Variants in FRMD4A observed in about 807,000 individuals in gnomAD.
The protein encoded by FRMD4A is FERM domain-containing protein 4A.
A neutral mutation model predicts 129.1 loss-of-function variants in FRMD4A; 29 were observed. The ratio of observed to expected loss-of-function variants is 0.22; its 90% CI spans 0.17 to 0.31. The LOEUF is 0.31. Among genes scored for constraint, FRMD4A ranks in the 10% least tolerant of loss-of-function variants. The pLI, the probability that FRMD4A is intolerant of heterozygous loss-of-function variation, is 1.00. For synonymous variants in FRMD4A, 634 were observed against 571.6 expected, an observed-to-expected ratio of 1.11 and a Z score of -1.56; for missense variants, 1,272 against 1,375.8, an observed-to-expected ratio of 0.92 and a Z score of 1.19.
chr10:14,244,491 G>A (rs762824321), intron 2 of FRMD4A, among the ~76,000 whole-genome samples: 1 of 152,160 alleles, frequency 6.6e-6, no homozygotes, highest in Non-Finnish European at 1.5e-5. Flanking sequence ...GAGGAGTCAT[G>A]GTAGGCATTT....
chr10:13,807,958 C>T (rs1402613205), intron 4 of FRMD4A, among the ~76,000 whole-genome samples: 3 of 152,110 alleles, frequency 2.0e-5, no homozygotes, highest in African/African-American at 2.4e-5. Context: ...GCCACCATGC[C>T]TGACTGATTT....
At chr10:14,289,942 G>GT (rs980246371) in intron 2 of FRMD4A, among the ~76,000 whole-genome samples, 6 of 151,694 alleles carry the variant, frequency 4.0e-5, no homozygotes, top group Non-Finnish European at 7.4e-5. Context: ...ATAAAAATCA[G>GT]TTTTTTCTAT....
At chr10:13,801,873 G>A (rs1017867499) in intron 4 of FRMD4A, among the ~76,000 whole-genome samples, 2 of 152,130 alleles carry the variant, frequency 1.3e-5, no homozygotes, top group Admixed American at 6.6e-5. Context: ...AGGATGGAAT[G>A]GGACGAAAAG....
At chr10:13,830,720 G>A (rs531700926) in intron 3 of FRMD4A, among the ~76,000 whole-genome samples, 1 of 152,274 alleles carries the variant, frequency 6.6e-6, no homozygotes, top group Admixed American at 6.5e-5. Flanking sequence ...GACCATGTAT[G>A]TTCATGTTCC....
At position 14,330,802 on chromosome 10, in the gene FRMD4A, A is replaced by C. The variant is rs1375193743; in HGVS notation, c.-287T>G. 4 of 398,706 alleles carry C rather than the reference A, an allele frequency of 1.0e-5. No homozygotes were observed. Among genetic ancestry groups the C allele is most frequent in the Non-Finnish European group, 1.3e-5 (3 of 226,280 alleles). 24.7% of individuals were successfully genotyped at this position (398,706 alleles called of 1,614,324 possible). A position where few individuals can be genotyped will look rare whatever the true frequency, so the allele number is the denominator to read the frequency against. ...TCCCCAGATCTACTTTTCCTCTCCA[A>C]GTAGACTGGCCAGCTCAGCTCCCGG... On this transcript the variant is annotated 5_prime_UTR_variant, in exon 1 of 25. Coordinates refer to ENST00000357447, the MANE Select transcript of FRMD4A (RefSeq NM_018027.5).
intron 8 of FRMD4A, among the ~76,000 whole-genome samples, chr10:13,758,955 T>C (rs987780479): frequency 6.6e-6 from 1 of 152,186 alleles, no homozygotes; most frequent in Non-Finnish European, 1.5e-5. Flanking sequence ...GTGTTGGGTA[T>C]CTTCCCAGAA....
intron 2 of FRMD4A, among the ~76,000 whole-genome samples, chr10:13,974,337 C>T (rs960597698): frequency 5.9e-5 from 9 of 152,162 alleles, no homozygotes; most frequent in South Asian, 2.1e-4. Flanking sequence ...TTACCATTTG[C>T]GGGGATGAGT....
At chr10:14,188,620 T>C (rs1842221672) in intron 2 of FRMD4A, among the ~76,000 whole-genome samples, 1 of 152,212 alleles carries the variant, frequency 6.6e-6, no homozygotes, top group Non-Finnish European at 1.5e-5. Flanking sequence ...TTCAAAGTCC[T>C]CATCAACTCC....
intron 2 of FRMD4A, among the ~76,000 whole-genome samples, chr10:13,929,773 T>A (rs2131281357): frequency 6.6e-6 from 1 of 152,140 alleles, no homozygotes; most frequent in South Asian, 2.1e-4. Context: ...AGAGATGGGA[T>A]CTGCGGTCAG....
chr10:13,839,753 C>T (rs1285384322), intron 3 of FRMD4A, among the ~76,000 whole-genome samples: 2 of 152,194 alleles, frequency 1.3e-5, no homozygotes, highest in Admixed American at 1.3e-4. Context: ...CCAGCCATGT[C>T]CCGCAGTGCT....
At chr10:14,184,484 A>G (rs1233606953) in intron 2 of FRMD4A, among the ~76,000 whole-genome samples, 8 of 109,550 alleles carry the variant, frequency 7.3e-5, no homozygotes, top group South Asian at 2.3e-4. Flanking sequence ...TTTCTATTCT[A>G]TTATGTTAAA....
chr10:13,924,043 G>A (rs906161956), intron 2 of FRMD4A, among the ~76,000 whole-genome samples: 1 of 152,222 alleles, frequency 6.6e-6, no homozygotes, highest in Non-Finnish European at 1.5e-5. Flanking sequence ...AGGCAGTGGA[G>A]GCTGCAATTC....
chr10:13,809,696 A>C (rs1183514322), intron 4 of FRMD4A, among the ~76,000 whole-genome samples: 1 of 152,184 alleles, frequency 6.6e-6, no homozygotes. Flanking sequence ...TTCTTGAGGA[A>C]GATGTGGCTT....
intron 2 of FRMD4A, among the ~76,000 whole-genome samples, chr10:13,905,919 T>G (rs1482170354): frequency 1.3e-5 from 2 of 152,208 alleles, no homozygotes; most frequent in Admixed American, 1.3e-4. Context: ...AGGAAAGAAT[T>G]GGAAGTTTAA....
intron 2 of FRMD4A, among the ~76,000 whole-genome samples, chr10:14,037,418 A>G (rs904546701): frequency 1.3e-5 from 2 of 152,260 alleles, no homozygotes; most frequent in Middle Eastern, 6.8e-3. Context: ...GGGGTTTGCC[A>G]TGTTGGCCAG....
chr10:14,001,120 A>G (rs2095641364), intron 2 of FRMD4A, among the ~76,000 whole-genome samples: 2 of 152,126 alleles, frequency 1.3e-5, no homozygotes, highest in Admixed American at 1.3e-4. Context: ...GATCTTGGTA[A>G]TATTATTTCC....
At chr10:14,310,860 C>A (rs1023545403) in intron 2 of FRMD4A, among the ~76,000 whole-genome samples, 10 of 152,160 alleles carry the variant, frequency 6.6e-5, no homozygotes, top group Admixed American at 3.3e-4. Flanking sequence ...CCTCTCTCTG[C>A]AGGAGAGAGC....
intron 2 of FRMD4A, among the ~76,000 whole-genome samples, chr10:14,067,961 A>G (rs1263191145): frequency 6.6e-6 from 1 of 152,264 alleles, no homozygotes; most frequent in Non-Finnish European, 1.5e-5. Context: ...AATAACTAGC[A>G]TAGTAAGACA....
intron 2 of FRMD4A, among the ~76,000 whole-genome samples, chr10:13,919,663 C>T (rs969377550): frequency 6.6e-5 from 10 of 152,020 alleles, no homozygotes; most frequent in South Asian, 4.1e-4. Flanking sequence ...TAAGGCCAGT[C>T]GCGGTGGCTG....
Sources: allele counts gnomAD v4.1 joint callset (sites outside exome capture counted in the v4.1 genomes callset), GRCh38; gene constraint gnomAD v4.1.1; transcripts MANE v1.5; gene names NCBI Gene and HGNC (gene_info 2026-07-23, HGNC 2026-07-21).